FBXL18: variants seen among roughly 807,000 people sequenced by gnomAD.
The protein encoded by FBXL18 is F-box/LRR-repeat protein 18.
FBXL18 carries 36 observed loss-of-function variants against 46.0 expected under a neutral mutation model. The ratio of observed to expected loss-of-function variants is 0.78; its 90% CI spans 0.60 to 1.03. The LOEUF is 1.03. FBXL18 is among the 50% of genes least tolerant of loss of function. FBXL18 has a pLI of 0.00. For missense variants in FBXL18, 977 were observed against 1,004.1 expected, an observed-to-expected ratio of 0.97 and a Z score of 0.36; for synonymous variants, 557 against 465.3, an observed-to-expected ratio of 1.20 and a Z score of -2.54.
At chr7:5,495,841 A>G (rs1324236236) in intron 3 of FBXL18, 2 of 481,002 alleles carry the variant, frequency 4.2e-6, no homozygotes, top group Middle Eastern at 3.2e-4. Flanking sequence ...GCGTCTGGGA[A>G]CCGGCATTTG....
chr7:5,498,747 G>A (rs1488450987), intron 3 of FBXL18, among the ~76,000 whole-genome samples: 1 of 151,904 alleles, frequency 6.6e-6, no homozygotes, highest in East Asian at 1.9e-4. Flanking sequence ...ATTTCTGTAT[G>A]TTTTTGGTAG....
At position 5,486,427 on chromosome 7, in the gene FBXL18, C is replaced by A. The variant is rs1230689603; in HGVS notation, c.2001-4496G>T. ...AGCGAAACTCTGTTTCAAAAAAAAA[C>A]AAAAAACAACAACAAAGAAAACAAA... On this transcript the variant is annotated intron_variant, in intron 4 of 4. Coordinates refer to ENST00000382368, the MANE Select transcript of FBXL18 (RefSeq NM_024963.6). Among the ~76,000 whole-genome samples the A allele has an allele frequency of 1.5e-4, 23 of 150,546 alleles. No individual in the cohort carries two copies. In the South Asian group the frequency reaches 4.7e-3, roughly 31 times the overall value.
intron 4 of FBXL18, among the ~76,000 whole-genome samples, chr7:5,470,446 G>T (rs973182630): frequency 3.3e-5 from 5 of 152,064 alleles, no homozygotes; most frequent in Admixed American, 1.3e-4. Context: ...ACCCGTGCCC[G>T]CGGGAGCCTG....
At chr7:5,489,346 T>G (rs1255095775) in intron 4 of FBXL18, 1 of 518,386 alleles carries the variant, frequency 1.9e-6, no homozygotes, top group South Asian at 1.4e-5. Flanking sequence ...AAAAATAGGT[T>G]GATGTTGGCC....
chr7:5,513,532 GA>G, intron 1 of FBXL18, 124 bp downstream of exon 1: 1 of 1,099,542 alleles, frequency 9.1e-7, no homozygotes, highest in Non-Finnish European at 1.4e-6. Flanking sequence ...GTCAGGATGG[GA>G]AGGACGGGGC....
chr7:5,489,984 A>G, intron 4 of FBXL18: 1 of 1,283,966 alleles, frequency 7.8e-7, no homozygotes, highest in South Asian at 1.2e-5. Flanking sequence ...CATAGTCTAA[A>G]TTTTTAAAAA....
chr7:5,468,983 T>C (rs149795189), intron 4 of FBXL18, among the ~76,000 whole-genome samples: 25 of 92,080 alleles, frequency 2.7e-4, no homozygotes, highest in African/African-American at 9.5e-4. Context: ...GGTGTGTGAA[T>C]GTGTGTGTGA....
At chr7:5,469,992 G>A (rs541916611) in intron 4 of FBXL18, among the ~76,000 whole-genome samples, 3 of 152,172 alleles carry the variant, frequency 2.0e-5, no homozygotes, top group African/African-American at 4.8e-5. Flanking sequence ...GATTGTCAGA[G>A]TGTCTGAAGT....
At chr7:5,463,705 T>TATATATATATATATATA (rs371252071) in intron 4 of FBXL18, among the ~76,000 whole-genome samples, 1 of 70,962 alleles carries the variant, frequency 1.4e-5, no homozygotes, top group Non-Finnish European at 2.6e-5. Context: ...TATATATATA[T>TATATATATATATATATA]TTATTTATTT....
At chr7:5,498,188 T>C (rs892474318) in intron 3 of FBXL18, among the ~76,000 whole-genome samples, 5 of 151,136 alleles carry the variant, frequency 3.3e-5, no homozygotes, top group South Asian at 4.2e-4. Context: ...CCCGGGTTCA[T>C]GCCATTCTCC....
At chr7:5,457,228 G>A (rs970733541) in intron 4 of FBXL18, among the ~76,000 whole-genome samples, 1 of 152,198 alleles carries the variant, frequency 6.6e-6, no homozygotes, top group Non-Finnish European at 1.5e-5. Context: ...CCCATTCTGT[G>A]GCAGCTGTGT....
rs746360869 is a variant in FBXL18, at chr7:5,481,858, G to A, written c.2074C>T (p.Arg692Trp). The A allele has an allele frequency of 2.7e-5, 44 of 1,613,874 alleles. No homozygotes were observed. The highest frequency in any genetic ancestry group is 3.6e-5 in the Non-Finnish European group (43 of 1,179,970). Residue 692 changes from arginine (R) to tryptophan (W), a missense_variant, in exon 5 of 5, where the codon CGG becomes TGG. Coordinates refer to ENST00000382368, the MANE Select transcript of FBXL18 (RefSeq NM_024963.6). ...LLHEGLTDVI[R>W]DVPLVHLDEI... Reference sequence around the variant, plus strand: ...TCCAGGTGCACCAGGGGGACGTCCCGGATGACGTCGGTCAGGCCCTCGTGG... The same window carrying A: ...TCCAGGTGCACCAGGGGGACGTCCCAGATGACGTCGGTCAGGCCCTCGTGG...
At chr7:5,482,318 C>T (rs571790055) in intron 4 of FBXL18, among the ~76,000 whole-genome samples, 555 of 152,314 alleles carry the variant, frequency 3.6e-3, no homozygotes, top group South Asian at 7.0e-3. Flanking sequence ...GGAAGCCCCA[C>T]GGCCAGGACA....
chr7:5,485,674 G>A (rs369943500), intron 4 of FBXL18, among the ~76,000 whole-genome samples: 2 of 152,244 alleles, frequency 1.3e-5, no homozygotes, highest in East Asian at 1.9e-4. Flanking sequence ...TTGGGAGGCC[G>A]AGGCGGGCAG....
chr7:5,466,144 G>A (rs145870058), intron 4 of FBXL18, among the ~76,000 whole-genome samples: 1 of 147,278 alleles, frequency 6.8e-6, no homozygotes, highest in Non-Finnish European at 1.5e-5. Flanking sequence ...TAAAAAACAA[G>A]TCTGGTAAAA....
chr7:5,480,266 G>A lies in FBXL18; in HGVS notation c.*1509C>T, dbSNP rs1371236599. ...GCCCTTCACCAAGAGCGGCCAGGGC[G>A]GCGGTCCAGGCTAGCAGGGCCCAAC... On this transcript the variant is annotated 3_prime_UTR_variant, in exon 5 of 5. Transcript: ENST00000382368. Among the ~76,000 whole-genome samples, 2 of 152,138 alleles carry A rather than the reference G, an allele frequency of 1.3e-5. No homozygotes were observed. Among genetic ancestry groups the A allele is most frequent in the South Asian group, 2.1e-4 (1 of 4,836 alleles).
At chr7:5,454,829 G>T (rs866046224) in intron 4 of FBXL18, among the ~76,000 whole-genome samples, 1 of 152,182 alleles carries the variant, frequency 6.6e-6, no homozygotes, top group Non-Finnish European at 1.5e-5. Context: ...GGCATAAGAC[G>T]CCTCCCCCAC....
chr7:5,471,417 C>T (rs1447746245), downstream of FBXL18, among the ~76,000 whole-genome samples: 4 of 152,206 alleles, frequency 2.6e-5, no homozygotes, highest in African/African-American at 9.7e-5. Context: ...GCTGGGACTA[C>T]AGGCGCCCGC....
At chr7:5,500,413 G>A (rs1784202921) in intron 3 of FBXL18, 75 bp downstream of exon 3, 3 of 1,387,180 alleles carry the variant, frequency 2.2e-6, no homozygotes, top group South Asian at 2.7e-5. Flanking sequence ...GCCAGCCACC[G>A]AACTCCACGC....
Sources: gnomAD v4.1 joint callset for allele counts (sites outside exome capture counted in the v4.1 genomes callset) on GRCh38, gnomAD v4.1.1 for gene constraint, MANE v1.5 for transcripts, NCBI Gene and HGNC (gene_info 2026-07-23, HGNC 2026-07-21) for gene names.